The following TMTC1 variants were observed in gnomAD, a reference collection of about 807,000 sequenced individuals.
TMTC1 encodes protein O-mannosyl-transferase TMTC1.
A neutral mutation model predicts 104.8 loss-of-function variants in TMTC1; 73 were observed. The observed-to-expected ratio is 0.70, with a 90% CI of 0.58 to 0.85. The LOEUF (loss-of-function observed/expected upper bound fraction) is 0.85. TMTC1 is among the 40% of genes least tolerant of loss of function. The pLI is 0.00. For missense variants in TMTC1, 1,035 were observed against 1,096.1 expected (o/e 0.94, Z 0.79); for synonymous variants, 434 against 428.7 (o/e 1.01, Z -0.15).
chr12:29,638,621 C>T lies in TMTC1; in HGVS notation c.939-5285G>A, dbSNP rs148795144. On this transcript the variant is annotated intron_variant, in intron 5 of 17. Coordinates refer to ENST00000539277, the MANE Select transcript of TMTC1 (RefSeq NM_001193451.2). ...CAGACGGCAAAGCTGAAAGAGCACACGGTAACACACACCCACTGGTGCTTC... is the reference window on the plus strand; with the variant it reads ...CAGACGGCAAAGCTGAAAGAGCACATGGTAACACACACCCACTGGTGCTTC... 3.0e-3 allele frequency among the ~76,000 whole-genome samples: 455 copies of T among 152,308 alleles called. 2 individuals carry two copies. Among genetic ancestry groups the T allele is most frequent in the Non-Finnish European group, 5.4e-3 (369 of 68,032 alleles).
chr12:29,690,064 C>T (rs1941220502), intron 5 of TMTC1, among the ~76,000 whole-genome samples: 1 of 152,170 alleles, frequency 6.6e-6, no homozygotes, highest in Non-Finnish European at 1.5e-5. Context: ...ATAAATGGAA[C>T]TCAGTTCAAA....
chr12:29,675,791 T>A (rs1940706830), intron 5 of TMTC1, among the ~76,000 whole-genome samples: 1 of 152,164 alleles, frequency 6.6e-6, no homozygotes, highest in South Asian at 2.1e-4. Flanking sequence ...AATCTTTTCA[T>A]CTAACTTGGA....
intron 6 of TMTC1, among the ~76,000 whole-genome samples, chr12:29,622,731 G>A (rs1937741506): frequency 6.6e-6 from 1 of 152,174 alleles, no homozygotes; most frequent in Non-Finnish European, 1.5e-5. Flanking sequence ...TTTCTAGATT[G>A]TTCTCTACAT....
chr12:29,565,284 C>T (rs1001527110), intron 9 of TMTC1, among the ~76,000 whole-genome samples: 13 of 152,152 alleles, frequency 8.5e-5, no homozygotes, highest in Non-Finnish European at 1.5e-4. Flanking sequence ...ATCTGCTTTA[C>T]TCAAAGTCTA....
intron 5 of TMTC1, among the ~76,000 whole-genome samples, chr12:29,728,183 T>C (rs1942450445): frequency 6.6e-6 from 1 of 152,162 alleles, no homozygotes; most frequent in African/African-American, 2.4e-5. Context: ...TAATCCTCTG[T>C]GACAGGGAGT....
chr12:29,614,741 T>C (rs1463691253), intron 6 of TMTC1, among the ~76,000 whole-genome samples: 1 of 152,210 alleles, frequency 6.6e-6, no homozygotes, highest in African/African-American at 2.4e-5. Context: ...GACATACAGA[T>C]AAAAGTAAGA....
intron 5 of TMTC1, among the ~76,000 whole-genome samples, chr12:29,681,914 A>C (rs1940932085): frequency 6.6e-6 from 1 of 152,220 alleles, no homozygotes; most frequent in South Asian, 2.1e-4. Flanking sequence ...TAATTGTTGA[A>C]GGTGAAAGAT....
chr12:29,539,439 A>G (rs561882645), intron 10 of TMTC1, among the ~76,000 whole-genome samples: 32 of 152,224 alleles, frequency 2.1e-4, no homozygotes, highest in Non-Finnish European at 4.0e-4. Flanking sequence ...TTACGTGCCG[A>G]CAACGGGAAG....
At position 29,615,789 on chromosome 12, in the gene TMTC1, T is replaced by C. The variant is rs565879552; in HGVS notation, c.1129-11490A>G. ...AGGAATGGTTTCAAAGGAATCCTTT[T>C]TCAGGTGGTATTGCTAAAAAGGTAA... On this transcript the variant is annotated intron_variant, in intron 6 of 17. Coordinates refer to ENST00000539277, the MANE Select transcript of TMTC1 (RefSeq NM_001193451.2). 1.2e-4 allele frequency among the ~76,000 whole-genome samples: 18 copies of C among 152,352 alleles called. 2 individuals carry two copies. Among genetic ancestry groups the C allele is most frequent in the African/African-American group, 4.3e-4 (18 of 41,574 alleles).
intron 5 of TMTC1, among the ~76,000 whole-genome samples, chr12:29,663,336 A>G (rs1157971655): frequency 6.6e-6 from 1 of 152,150 alleles, no homozygotes; most frequent in Non-Finnish European, 1.5e-5. Context: ...GGTGCTGGGG[A>G]GGGCTGGAGA....
chr12:29,506,973 G>C lies in TMTC1; in HGVS notation c.2522C>G (p.Ser841Cys). 3 of 1,613,808 alleles carry C rather than the reference G, an allele frequency of 1.9e-6. No homozygotes were observed. The highest frequency in any genetic ancestry group is 2.5e-6 in the Non-Finnish European group (3 of 1,179,698). ...GGCTCTCTCATAATAAGCTCTTGCA[G>C]ACACATATTTTCCCTGGGGGTGGGA... is the stretch of plus-strand genomic sequence containing the variant. ...GIQHIKGKYV[S>C]ARAYYERALQ... The change falls in exon 18 of 18, where the codon TCT becomes TGT. Residue 841 changes from serine (S) to cysteine (C), a missense_variant. Transcript: ENST00000539277.
chr12:29,604,932 C>A (rs897845830), intron 6 of TMTC1, among the ~76,000 whole-genome samples: 2 of 152,016 alleles, frequency 1.3e-5, no homozygotes, highest in Admixed American at 6.5e-5. Flanking sequence ...ATTAAATTGA[C>A]AAAGAACCTC....
chr12:29,581,205 T>C (rs1338492347), intron 8 of TMTC1, among the ~76,000 whole-genome samples: 1 of 152,200 alleles, frequency 6.6e-6, no homozygotes, highest in African/African-American at 2.4e-5. Context: ...TCTCAGTAAA[T>C]GTTTGTTTGA....
intron 5 of TMTC1, among the ~76,000 whole-genome samples, chr12:29,708,559 A>C (rs1299997876): frequency 6.6e-6 from 1 of 152,122 alleles, no homozygotes; most frequent in Non-Finnish European, 1.5e-5. Flanking sequence ...GTTTTAAAGT[A>C]TTTTACCCAT....
At chr12:29,611,104 G>GCACC (rs1946832715) in intron 6 of TMTC1, among the ~76,000 whole-genome samples, 1 of 151,978 alleles carries the variant, frequency 6.6e-6, no homozygotes, top group South Asian at 2.1e-4. Context: ...AATGAACAGA[G>GCACC]CACCGAAGGC....
intron 10 of TMTC1, among the ~76,000 whole-genome samples, chr12:29,555,134 CTTTTTTTTTT>C (rs77513599): frequency 1.1e-5 from 1 of 88,202 alleles, no homozygotes; most frequent in African/African-American, 4.7e-5. Context: ...TTCCAACATC[CTTTTTTTTTT>C]TTTTTTTTTT....
chr12:29,754,202 G>C (rs1233688799), intron 4 of TMTC1, among the ~76,000 whole-genome samples: 1 of 148,050 alleles, frequency 6.8e-6, no homozygotes, highest in East Asian at 2.0e-4. Context: ...AAAAGACCCA[G>C]ACTGAGCTGC....
At chr12:29,611,591 A>G (rs973637254) in intron 6 of TMTC1, among the ~76,000 whole-genome samples, 11 of 152,244 alleles carry the variant, frequency 7.2e-5, no homozygotes, top group Admixed American at 1.3e-4. Context: ...TGCAACTATT[A>G]CAGGAATTTA....
chr12:29,614,420 T>C (rs534813861), intron 6 of TMTC1, among the ~76,000 whole-genome samples: 6 of 152,222 alleles, frequency 3.9e-5, no homozygotes, highest in African/African-American at 1.4e-4. Context: ...CACAAATAAT[T>C]GACATGATGG....
Sources: gnomAD v4.1 joint callset for allele counts (sites outside exome capture counted in the v4.1 genomes callset) on GRCh38, gnomAD v4.1.1 for gene constraint, MANE v1.5 for transcripts, NCBI Gene and HGNC (gene_info 2026-07-23, HGNC 2026-07-21) for gene names.